Variants in GATAD2A observed in about 807,000 individuals in gnomAD.
GATAD2A encodes GATA zinc finger domain containing 2A.
In GATAD2A, 12 loss-of-function variants were observed where a neutral mutation model predicts 68.5. The ratio of observed to expected loss-of-function variants is 0.18; its 90% CI spans 0.11 to 0.28. The LOEUF is 0.28. Ranked by LOEUF, GATAD2A falls within the 10% of genes least tolerant of loss-of-function variation. The pLI is 1.00. For missense variants in GATAD2A, 755 were observed against 868.5 expected (o/e 0.87, Z 1.64); for synonymous variants, 410 against 375.3 (o/e 1.09, Z -1.07).
intron 1 of GATAD2A, among the ~76,000 whole-genome samples, chr19:19,409,875 C>T (rs1440139225): frequency 6.6e-6 from 1 of 152,186 alleles, no homozygotes; most frequent in Non-Finnish European, 1.5e-5. Flanking sequence ...CCACCTTGTG[C>T]TTTCCAGACT....
chr19:19,508,449 G>A lies in GATAD2A; in HGVS notation c.*2975G>A, dbSNP rs914073649. ...CTCCACGGACCTCGGTGAAGCAAAA[G>A]CTTCAGGGCAGAGGGAATGAGGCAA... On this transcript the variant is annotated 3_prime_UTR_variant, in exon 12 of 12. Coordinates refer to ENST00000683918, the MANE Select transcript of GATAD2A (RefSeq NM_001384528.1). 2.0e-5 allele frequency: 3 copies of A among 152,264 alleles called. No homozygotes were observed. Among genetic ancestry groups the A allele is most frequent in the African/African-American group, 7.2e-5 (3 of 41,450 alleles). 9.4% of individuals were successfully genotyped at this position (152,264 alleles called of 1,614,324 possible).
chr19:19,422,858 C>G (rs1396850787), intron 1 of GATAD2A, among the ~76,000 whole-genome samples: 1 of 151,954 alleles, frequency 6.6e-6, no homozygotes, highest in South Asian at 2.1e-4. Flanking sequence ...ACTACAGGCG[C>G]CCACCACCAC....
At chr19:19,436,021 C>T in intron 1 of GATAD2A, 2 of 466,666 alleles carry the variant, frequency 4.3e-6, no homozygotes, top group Non-Finnish European at 7.8e-6. Flanking sequence ...CTCAGGAAAT[C>T]TGAAATTTTG....
Position 19,495,866 on chromosome 19 carries a change from C to A in GATAD2A, c.737C>A (p.Pro246Gln). The A allele has an allele frequency of 6.2e-7, 1 of 1,613,040 alleles. No homozygotes were observed. The highest frequency in any genetic ancestry group is 8.5e-7 in the Non-Finnish European group (1 of 1,179,568). ...GCGAGCTCACAGGTCGTCATGCCCC[C>A]ACTCGTCAGGGGGGCTCAGGTAAGC... ...PQASSQVVMPPLVRGAQQIHS... is the reference protein window; with the variant it reads ...PQASSQVVMPQLVRGAQQIHS... Residue 246 changes from proline to glutamine, a missense_variant, in exon 6 of 12, where the codon CCA (proline) becomes CAA (glutamine). Physicochemically the swap from Pro to Gln is moderately conservative, Grantham distance 76 (BLOSUM62 -1). Coordinates refer to ENST00000683918, the MANE Select transcript of GATAD2A (RefSeq NM_001384528.1).
At chr19:19,497,508 G>A (rs1395424187) in intron 7 of GATAD2A, among the ~76,000 whole-genome samples, 2 of 152,190 alleles carry the variant, frequency 1.3e-5, no homozygotes, top group East Asian at 1.9e-4. Context: ...GGGAGGCTCT[G>A]AGGGGAAGGA....
chr19:19,461,708 C>T (rs566123876), intron 1 of GATAD2A, among the ~76,000 whole-genome samples: 6 of 152,334 alleles, frequency 3.9e-5, no homozygotes, highest in Admixed American at 2.6e-4. Context: ...GTGTGCGGGA[C>T]GTATCAGAGG....
rs190490982 is a variant in GATAD2A, at chr19:19,467,547, G to A, written c.269+1933G>A. The stretch of plus-strand genomic sequence containing the variant: ...CCTTTTATCTTCCTGCTTTCACTCA[G>A]CATTGTGAGATTTACCCATATTGTT... On this transcript the variant is annotated intron_variant, in intron 2 of 11. Transcript: ENST00000683918. Among the ~76,000 whole-genome samples the A allele has an allele frequency of 6.5e-4, 99 of 152,232 alleles. 3 individuals carry two copies. Among genetic ancestry groups the A allele is most frequent in the African/African-American group, 2.2e-3 (92 of 41,524 alleles).
chr19:19,501,612 C>T (rs2060528577), intron 9 of GATAD2A, among the ~76,000 whole-genome samples, 196 bp downstream of exon 9: 1 of 152,250 alleles, frequency 6.6e-6, no homozygotes, highest in Non-Finnish European at 1.5e-5. Flanking sequence ...TGCCGGCTGA[C>T]AAGTACTGCT....
intron 4 of GATAD2A, among the ~76,000 whole-genome samples, chr19:19,493,130 G>A (rs201586693): frequency 2.7e-5 from 4 of 150,512 alleles, no homozygotes; most frequent in South Asian, 2.1e-4. Context: ...TAGTGGAGAC[G>A]GGGTTTCACC....
chr19:19,463,061 T>G (rs745913431), intron 1 of GATAD2A, among the ~76,000 whole-genome samples: 1 of 152,158 alleles, frequency 6.6e-6, no homozygotes, highest in Non-Finnish European at 1.5e-5. Context: ...ACAGTAGTTA[T>G]AAGGCCAGAC....
intron 2 of GATAD2A, among the ~76,000 whole-genome samples, chr19:19,469,539 A>G (rs2058118688): frequency 6.6e-6 from 1 of 152,254 alleles, no homozygotes; most frequent in African/African-American, 2.4e-5. Flanking sequence ...AACAAACAAG[A>G]GGACATGTAG....
intron 1 of GATAD2A, among the ~76,000 whole-genome samples, chr19:19,422,581 C>A (rs1051940721): frequency 1.3e-5 from 2 of 152,222 alleles, no homozygotes; most frequent in African/African-American, 4.8e-5. Flanking sequence ...GTTGACAGTT[C>A]TGTGAAACAC....
Position 19,431,401 on chromosome 19 carries a change from ATATT to A in GATAD2A, c.-7+25387_-7+25390del, listed in dbSNP as rs1010536993. On this transcript the variant is annotated intron_variant, in intron 1 of 11. Transcript: ENST00000683918. ...CTATCCCTGCTCGTCCATTCAATAA[ATATT>A]TATTAAGCGGCTGGGCGCGGTGGCT... Among the ~76,000 whole-genome samples the A allele has an allele frequency of 2.1e-4, 32 of 151,318 alleles. 1 individual carries two copies. The highest frequency in any genetic ancestry group is 2.8e-4 in the Non-Finnish European group (19 of 67,888).
At chr19:19,423,218 GCTGGTCTCAAACGC>G (rs1265129908) in intron 1 of GATAD2A, among the ~76,000 whole-genome samples, 1 of 152,146 alleles carries the variant, frequency 6.6e-6, no homozygotes, top group Admixed American at 6.5e-5. Flanking sequence ...TATTGCCTAG[GCTGGTCTCAAACGC>G]CTGGGCTCAA....
At chr19:19,387,951 C>T (rs771555864) in intron 1 of GATAD2A, among the ~76,000 whole-genome samples, 56 of 152,258 alleles carry the variant, frequency 3.7e-4, no homozygotes, top group Middle Eastern at 3.4e-3. Flanking sequence ...CCTCTGAATT[C>T]CGTGGGGTTG....
At chr19:19,460,775 C>T (rs543548981) in intron 1 of GATAD2A, among the ~76,000 whole-genome samples, 17 of 152,324 alleles carry the variant, frequency 1.1e-4, no homozygotes, top group African/African-American at 3.6e-4. Flanking sequence ...GTAGCTGCAC[C>T]ATAGGAACCG....
chr19:19,414,286 T>C (rs2051311231), intron 1 of GATAD2A, among the ~76,000 whole-genome samples: 1 of 152,176 alleles, frequency 6.6e-6, no homozygotes, highest in South Asian at 2.1e-4. Flanking sequence ...TTCTGTGTAC[T>C]GTGCTCTGCT....
upstream of GATAD2A, among the ~76,000 whole-genome samples, chr19:19,401,155 A>T (rs2049697186): frequency 6.6e-6 from 1 of 150,940 alleles, no homozygotes. Context: ...AAAAAAAAAA[A>T]AAAAAAGTAG....
Position 19,502,620 on chromosome 19 carries a change from C to A in GATAD2A, c.1774+94C>A, listed in dbSNP as rs569528739. ...CAGAGGCACATGTGCAGCGGGTGAA[C>A]CCCCAGGCCCGCTTCCCAAGCTCAG... On this transcript the variant is annotated intron_variant, in intron 11 of 11. Transcript: ENST00000683918. 3 of 972,288 alleles carry A rather than the reference C, an allele frequency of 3.1e-6. No homozygotes were observed. In the East Asian group the frequency reaches 7.4e-5, roughly 24 times the overall value. The allele number at this position is 972,288 out of a possible 1,614,324, so 60.2% of individuals were successfully genotyped here. A position where few individuals can be genotyped will look rare whatever the true frequency, so the allele number is the denominator to read the frequency against.
Sources: gnomAD v4.1 joint callset for allele counts (sites outside exome capture counted in the v4.1 genomes callset) on GRCh38, gnomAD v4.1.1 for gene constraint, MANE v1.5 for transcripts, NCBI Gene and HGNC (gene_info 2026-07-23, HGNC 2026-07-21) for gene names.